The following MYOF variants were observed in gnomAD, a reference collection of about 807,000 sequenced individuals.
The protein encoded by MYOF is fer-1-like 3, myoferlin.
Under a neutral mutation model 284.2 loss-of-function variants are expected in MYOF, and 244 were observed. The ratio of observed to expected loss-of-function variants is 0.86; its 90% CI spans 0.77 to 0.95. The LOEUF is 0.95. Ranked by LOEUF, MYOF falls within the 40% of genes least tolerant of loss-of-function variation. The pLI, the probability that MYOF is intolerant of heterozygous loss-of-function variation, is 0.00. For missense variants in MYOF, 2,496 were observed against 2,560.6 expected (o/e 0.97, Z 0.54); for synonymous variants, 904 against 919.7 (o/e 0.98, Z 0.31).
chr10:93,356,338 T>C (rs1029012857), intron 30 of MYOF, among the ~76,000 whole-genome samples: 4 of 152,214 alleles, frequency 2.6e-5, no homozygotes, highest in African/African-American at 9.7e-5. Flanking sequence ...TGTTGAACAG[T>C]TGCAGTTTCC....
chr10:93,406,592 G>A (rs916044929), intron 7 of MYOF, among the ~76,000 whole-genome samples: 2 of 150,554 alleles, frequency 1.3e-5, no homozygotes, highest in East Asian at 2.0e-4. Context: ...GCCCTCCAAC[G>A]TGAATCTCTC....
At chr10:93,338,460 T>C (rs1564630236) in intron 39 of MYOF, 2 of 457,030 alleles carry the variant, frequency 4.4e-6, no homozygotes, top group Middle Eastern at 6.5e-4. Flanking sequence ...GAGCATCAAT[T>C]TCTTCATCCA....
intron 1 of MYOF, among the ~76,000 whole-genome samples, chr10:93,473,535 T>C (rs940760705): frequency 2.0e-5 from 3 of 152,200 alleles, no homozygotes; most frequent in Non-Finnish European, 4.4e-5. Flanking sequence ...ATAGACAATA[T>C]GCAGAAAAGT....
chr10:93,456,567 C>T (rs1319445189), intron 2 of MYOF, among the ~76,000 whole-genome samples: 1 of 152,204 alleles, frequency 6.6e-6, no homozygotes, highest in African/African-American at 2.4e-5. Context: ...CCTTGCTCTG[C>T]ACATGTGCCC....
At chr10:93,429,306 A>G (rs1848732144) in intron 4 of MYOF, among the ~76,000 whole-genome samples, 4 of 152,188 alleles carry the variant, frequency 2.6e-5, no homozygotes, top group Admixed American at 2.0e-4. Flanking sequence ...AGCTGAGCAG[A>G]TATCGGTGCC....
At chr10:93,425,161 G>A (rs1420050481) in intron 5 of MYOF, among the ~76,000 whole-genome samples, 4 of 151,802 alleles carry the variant, frequency 2.6e-5, no homozygotes, top group East Asian at 1.9e-4. Flanking sequence ...GGCTGGTCTC[G>A]AACTCCTGAC....
At chr10:93,466,059 G>A (rs1260210391) in intron 1 of MYOF, among the ~76,000 whole-genome samples, 1 of 152,116 alleles carries the variant, frequency 6.6e-6, no homozygotes, top group Non-Finnish European at 1.5e-5. Context: ...TCCAGGAGCT[G>A]GCTAATTTCT....
intron 1 of MYOF, among the ~76,000 whole-genome samples, 172 bp from the exon 2 acceptor site, chr10:93,457,109 T>G (rs1589600537): frequency 6.6e-6 from 1 of 152,200 alleles, no homozygotes; most frequent in East Asian, 1.9e-4. Flanking sequence ...TGAAATGGCA[T>G]TTTTTGGTCT....
At chr10:93,310,731 A>AT (rs1554834814) in intron 51 of MYOF, 88 bp from the exon 52 acceptor site, 1 of 1,223,604 alleles carries the variant, frequency 8.2e-7, no homozygotes, top group Non-Finnish European at 1.2e-6. Context: ...CCGAGCAATG[A>AT]TTTTTATTCT....
Position 93,398,710 on chromosome 10 carries a change from A to ATATGTG in MYOF, c.1221+676_1221+681dup, listed in dbSNP as rs559655116. Among the ~76,000 whole-genome samples the ATATGTG allele has an allele frequency of 9.3e-3, 1,419 of 152,308 alleles. 11 individuals are homozygous for ATATGTG. The highest frequency in any genetic ancestry group is 0.014 in the Admixed American group (210 of 15,286). ...AATCTTTTAGAAAAAAGCACCAGTC[A>ATATGTG]TATGTGTATGTGTATGTGGTTTGCC... is the stretch of plus-strand genomic sequence containing the variant. On this transcript the variant is annotated intron_variant, in intron 13 of 53. Coordinates refer to ENST00000359263, the MANE Select transcript of MYOF (RefSeq NM_013451.4).
rs11594445 is a variant in MYOF at position 93,323,282 on chromosome 10, C to T, written c.5348G>A (p.Arg1783Gln). 98,715 of 1,613,866 alleles carry T rather than the reference C, an allele frequency of 0.061. 3,294 individuals are homozygous for T. Among genetic ancestry groups the T allele is most frequent in the Middle Eastern group, 0.084 (508 of 6,060 alleles). The change falls in exon 47 of 54, where the codon CGG (arginine) becomes CAG (glutamine). Residue 1783 changes from arginine to glutamine, a missense_variant. Transcript: ENST00000359263. ...PPGPPFNITP[R>Q]KAKKYYLRVI... is the part of the protein sequence containing the mutation. The stretch of plus-strand genomic sequence containing the variant: ...ATGACTGACTTACTTCTTGGCTTTC[C>T]GGGGTGTGATGTTGAAAGGAGGGCC...
At chr10:93,366,641 C>G (rs547577910) in intron 25 of MYOF, 86 bp from the exon 26 acceptor site, 1 of 1,194,304 alleles carries the variant, frequency 8.4e-7, no homozygotes, top group East Asian at 2.4e-5. Context: ...TCATCGAGGA[C>G]TTAGGCTAGA....
intron 1 of MYOF, among the ~76,000 whole-genome samples, chr10:93,473,429 T>C (rs762607996): frequency 1.3e-5 from 2 of 152,128 alleles, no homozygotes; most frequent in South Asian, 2.1e-4. Context: ...GCCACTGCAG[T>C]TGGATGTAGA....
intron 12 of MYOF, among the ~76,000 whole-genome samples, chr10:93,400,467 A>T (rs1847227384): frequency 6.6e-6 from 1 of 151,862 alleles, no homozygotes; most frequent in Non-Finnish European, 1.5e-5. Flanking sequence ...CCTCCAGCCC[A>T]TTTGACACAT....
chr10:93,374,171 T>C (rs1845729584), intron 23 of MYOF, among the ~76,000 whole-genome samples: 2 of 152,224 alleles, frequency 1.3e-5, no homozygotes, highest in African/African-American at 4.8e-5. Context: ...TTCATCCATG[T>C]CCCTGCAAAG....
intron 15 of MYOF, 56 bp from the exon 16 acceptor site, chr10:93,396,280 A>C: frequency 8.2e-7 from 1 of 1,221,456 alleles, no homozygotes; most frequent in Non-Finnish European, 1.1e-6. Flanking sequence ...AGCTCCATCT[A>C]GGAAGATATG....
intron 38 of MYOF, among the ~76,000 whole-genome samples, chr10:93,340,623 A>C (rs1341877220): frequency 6.6e-6 from 1 of 152,198 alleles, no homozygotes; most frequent in Non-Finnish European, 1.5e-5. Context: ...TCCTGTCACA[A>C]GATATGTTTG....
intron 5 of MYOF, among the ~76,000 whole-genome samples, chr10:93,413,426 G>A (rs1287667670): frequency 6.6e-6 from 1 of 152,204 alleles, no homozygotes; most frequent in Non-Finnish European, 1.5e-5. Flanking sequence ...CAAAGAATGA[G>A]GGGGCCCCTA....
At chr10:93,335,818 G>A in intron 41 of MYOF, 103 bp downstream of exon 41, 2 of 1,393,330 alleles carry the variant, frequency 1.4e-6, no homozygotes, top group South Asian at 2.8e-5. Context: ...TCCCTCAGAG[G>A]CTGCAGGATG....
Sources: allele counts gnomAD v4.1 joint callset (sites outside exome capture counted in the v4.1 genomes callset), GRCh38; gene constraint gnomAD v4.1.1; transcripts MANE v1.5; gene names NCBI Gene and HGNC (gene_info 2026-07-23, HGNC 2026-07-21).